Variants in TENM3 observed in about 807,000 individuals in gnomAD.
TENM3 encodes the protein teneurin transmembrane protein 3, also known as teneurin-3.
In TENM3, 63 loss-of-function variants were observed where a neutral mutation model predicts 255.1. The observed-to-expected ratio is 0.25, with a 90% confidence interval of 0.20 to 0.30. TENM3 has a LOEUF of 0.30. Ranked by LOEUF, TENM3 falls within the 10% of genes least tolerant of loss-of-function variation. TENM3 has a pLI of 1.00. For missense variants in TENM3, 2,929 were observed against 3,461.1 expected (o/e 0.85, Z 3.86); for synonymous variants, 1,306 against 1,322.3 (o/e 0.99, Z 0.27).
At chr4:182,596,966 G>A (rs970115264) in intron 3 of TENM3, among the ~76,000 whole-genome samples, 3 of 152,160 alleles carry the variant, frequency 2.0e-5, no homozygotes, top group African/African-American at 7.2e-5. Context: ...TGTTCTGGTT[G>A]TTCTTGTGCG....
intron 4 of TENM3, among the ~76,000 whole-genome samples, chr4:182,602,314 G>A (rs576551283): frequency 2.6e-5 from 4 of 152,196 alleles, no homozygotes; most frequent in South Asian, 2.1e-4. Flanking sequence ...AGCTCTTGAC[G>A]CCTTGAGAGA....
chr4:181,885,836 A>T, the TENM3 span, among the ~76,000 whole-genome samples: 5 of 152,322 alleles, frequency 3.3e-5, no homozygotes, highest in South Asian at 8.3e-4. Context: ...ATGTATTTTC[A>T]CTGGGCCATT....
chr4:181,732,590 C>T, the TENM3 span, among the ~76,000 whole-genome samples: 50 of 152,178 alleles, frequency 3.3e-4, no homozygotes, highest in Middle Eastern at 3.4e-3. Context: ...ATTGTGTTTC[C>T]GGTAAAAAGA....
At chr4:182,524,922 C>T (rs992622731) in intron 3 of TENM3, among the ~76,000 whole-genome samples, 6 of 151,824 alleles carry the variant, frequency 4.0e-5, no homozygotes, top group South Asian at 4.2e-4. Flanking sequence ...CCCAGCTACA[C>T]AGGAGGCTGA....
the TENM3 span, among the ~76,000 whole-genome samples, chr4:182,074,659 G>A: frequency 6.6e-6 from 1 of 152,186 alleles, no homozygotes; most frequent in African/African-American, 2.4e-5. Flanking sequence ...GGGCAGCAGT[G>A]GGGTCAGAAT....
the TENM3 span, among the ~76,000 whole-genome samples, chr4:182,024,885 G>T: frequency 1.3e-5 from 2 of 151,722 alleles, no homozygotes; most frequent in African/African-American, 4.8e-5. Flanking sequence ...ATCTCCATAA[G>T]TTCAATCTTT....
rs553375874 is a variant in TENM3 at position 182,792,078 on chromosome 4, T to A, written c.5602-196T>A. Among the ~76,000 whole-genome samples the A allele has an allele frequency of 6.6e-6, 1 of 152,186 alleles. No homozygotes were observed. The highest frequency in any genetic ancestry group is 2.1e-4 in the South Asian group (1 of 4,830). On this transcript the variant is annotated intron_variant, in intron 25 of 27. Coordinates refer to ENST00000511685, the MANE Select transcript of TENM3 (RefSeq NM_001080477.4). This position sits in a 1 kb window ranked among gnomAD's most constrained non-coding sequence, Gnocchi z 6.3. Reference sequence around the variant, plus strand: ...CACATTGTGAATCTCGAGCCACTAATTGCAGAACCCCTCACAATTAAGCAT... The same window carrying A: ...CACATTGTGAATCTCGAGCCACTAAATGCAGAACCCCTCACAATTAAGCAT...
At chr4:182,259,787 T>C (rs556939733) in intron 1 of TENM3, among the ~76,000 whole-genome samples, 4 of 152,046 alleles carry the variant, frequency 2.6e-5, no homozygotes, top group African/African-American at 9.7e-5. Flanking sequence ...CTTTTGTAGT[T>C]ATTTTGAAAT....
chr4:182,713,641 G>A lies in TENM3; in HGVS notation c.2222-446G>A, dbSNP rs960691887. 2.0e-5 allele frequency among the ~76,000 whole-genome samples: 3 copies of A among 152,124 alleles called. No individual in the cohort carries two copies. In the South Asian group the frequency reaches 6.2e-4, roughly 32 times the overall value. On this transcript the variant is annotated intron_variant, in intron 12 of 27. Transcript: ENST00000511685. ...CCACTTTCATGCTTTTGGAGTTTGA[G>A]GGAATTTTTTTAAGCAACAAGGTGC...
At chr4:181,583,479 A>G in the TENM3 span, among the ~76,000 whole-genome samples, 1 of 152,174 alleles carries the variant, frequency 6.6e-6, no homozygotes, top group Non-Finnish European at 1.5e-5. Flanking sequence ...AATAAATTGT[A>G]TATCCACCCT....
At chr4:181,855,692 CTAGT>C in the TENM3 span, among the ~76,000 whole-genome samples, 1 of 152,110 alleles carries the variant, frequency 6.6e-6, no homozygotes, top group Non-Finnish European at 1.5e-5. Context: ...GATGTAGAAA[CTAGT>C]TAAGTCTTGC....
At chr4:182,621,100 G>T (rs1206698793) in intron 4 of TENM3, among the ~76,000 whole-genome samples, 2 of 151,776 alleles carry the variant, frequency 1.3e-5, no homozygotes, top group African/African-American at 4.8e-5. Context: ...AGAATGGCGT[G>T]AACTCAGGAG....
chr4:182,571,316 A>T (rs1338686756), intron 3 of TENM3, among the ~76,000 whole-genome samples: 2 of 152,194 alleles, frequency 1.3e-5, no homozygotes, highest in African/African-American at 4.8e-5. Context: ...ACTTGAGCCC[A>T]GGAGTTTGAG....
At chr4:181,733,070 A>G in the TENM3 span, among the ~76,000 whole-genome samples, 2 of 152,214 alleles carry the variant, frequency 1.3e-5, no homozygotes, top group Non-Finnish European at 2.9e-5. Flanking sequence ...ATATGGCCTG[A>G]AAATGCAGAT....
chr4:182,142,739 G>A (rs1354328070), upstream of TENM3: 1 of 164,636 alleles, frequency 6.1e-6, no homozygotes. Flanking sequence ...GCCCTCCACG[G>A]GCAGACTGCT....
At chr4:181,543,072 T>C in the TENM3 span, among the ~76,000 whole-genome samples, 1 of 152,214 alleles carries the variant, frequency 6.6e-6, no homozygotes, top group Admixed American at 6.5e-5. Context: ...AAATCTACTG[T>C]GAAATTTGAG....
At chr4:182,486,333 G>T (rs1734719571) in intron 3 of TENM3, among the ~76,000 whole-genome samples, 1 of 134,806 alleles carries the variant, frequency 7.4e-6, no homozygotes, top group Non-Finnish European at 1.6e-5. Context: ...AGGGTGGGTG[G>T]GTGGTCATCC....
the TENM3 span, among the ~76,000 whole-genome samples, chr4:182,026,878 T>C: frequency 6.6e-6 from 1 of 152,194 alleles, no homozygotes. Context: ...GCAGTATAAT[T>C]TGAAGTCAGG....
intron 1 of TENM3, among the ~76,000 whole-genome samples, chr4:182,154,713 CT>C (rs1177395740): frequency 6.6e-6 from 1 of 152,080 alleles, no homozygotes; most frequent in Non-Finnish European, 1.5e-5. Flanking sequence ...AGCTTTTCCC[CT>C]GGTTAATAAT....
Sources: gnomAD v4.1 joint callset for allele counts (sites outside exome capture counted in the v4.1 genomes callset) on GRCh38, gnomAD v4.1.1 for gene constraint, Gnocchi (gnomAD v3.1) non-coding constraint, MANE v1.5 for transcripts, NCBI Gene and HGNC (gene_info 2026-07-23, HGNC 2026-07-21) for gene names.